Variants in WWOX observed in about 807,000 individuals in gnomAD.
WWOX encodes WW domain-containing oxidoreductase.
WWOX carries 69 observed loss-of-function variants against 46.2 expected under a neutral mutation model. The ratio of observed to expected loss-of-function variants is 1.49; its 90% CI spans 1.23 to 1.82. WWOX has a LOEUF of 1.82. Ranked by LOEUF, WWOX falls within the 40% of genes most tolerant of loss-of-function variation. The probability of loss-of-function intolerance (pLI) is 0.00; values close to 1 mark genes in which losing one functional copy is unlikely to be tolerated. For synonymous variants in WWOX, 359 were observed against 202.6 expected (o/e 1.77, Z -6.56); for missense variants, 919 against 542.6 (o/e 1.69, Z -6.89).
intron 8 of WWOX, among the ~76,000 whole-genome samples, chr16:78,709,887 C>T (rs564881928): frequency 9.2e-5 from 14 of 152,164 alleles, no homozygotes; most frequent in East Asian, 7.8e-4. Flanking sequence ...CGCCACCCGA[C>T]GCCCAGCTAA....
chr16:78,935,390 G>T (rs1333553620), intron 8 of WWOX, among the ~76,000 whole-genome samples: 1 of 152,134 alleles, frequency 6.6e-6, no homozygotes. Flanking sequence ...TTAAGAAAAT[G>T]TGGCACATAT....
intron 8 of WWOX, among the ~76,000 whole-genome samples, chr16:79,084,216 A>C (rs2048813709): frequency 6.6e-6 from 1 of 152,172 alleles, no homozygotes; most frequent in African/African-American, 2.4e-5. Context: ...CATATTTGCA[A>C]ATGCATTTCT....
At chr16:79,057,729 A>G (rs1490516300) in intron 8 of WWOX, among the ~76,000 whole-genome samples, 2 of 152,176 alleles carry the variant, frequency 1.3e-5, no homozygotes, top group Non-Finnish European at 2.9e-5. Flanking sequence ...AGCTCAGAAT[A>G]GGCAAGGTAG....
chr16:79,082,485 G>C (rs2048778930), intron 8 of WWOX, among the ~76,000 whole-genome samples: 1 of 152,174 alleles, frequency 6.6e-6, no homozygotes, highest in Non-Finnish European at 1.5e-5. Context: ...CCACTTTATA[G>C]ACCTATGGAG....
chr16:78,284,674 C>T (rs58271113), intron 5 of WWOX, among the ~76,000 whole-genome samples: 1,784 of 152,306 alleles, frequency 0.012, 43 homozygotes, highest in African/African-American at 0.041. Flanking sequence ...GCCACACACA[C>T]TCTGCAGGCA....
At chr16:78,219,968 A>G (rs761965647) in intron 5 of WWOX, among the ~76,000 whole-genome samples, 4 of 152,234 alleles carry the variant, frequency 2.6e-5, no homozygotes, top group Non-Finnish European at 5.9e-5. Flanking sequence ...TAAAGCTATA[A>G]TACTCTTTTA....
intron 5 of WWOX, among the ~76,000 whole-genome samples, chr16:78,202,812 G>GTTTT (rs34111953): frequency 7.1e-6 from 1 of 140,034 alleles, no homozygotes; most frequent in South Asian, 2.2e-4. Flanking sequence ...TGCCTGGTGG[G>GTTTT]TTTTTTTTTT....
chr16:78,823,152 C>A (rs751508919), intron 8 of WWOX, among the ~76,000 whole-genome samples: 5 of 152,222 alleles, frequency 3.3e-5, no homozygotes, highest in Non-Finnish European at 5.9e-5. Flanking sequence ...ATACTCCGGC[C>A]TTTCAGCCCT....
At chr16:78,907,197 G>C (rs2044987853) in intron 8 of WWOX, among the ~76,000 whole-genome samples, 1 of 152,106 alleles carries the variant, frequency 6.6e-6, no homozygotes, top group Non-Finnish European at 1.5e-5. Context: ...TCATAGGGGT[G>C]TGTAAAACCC....
intron 8 of WWOX, among the ~76,000 whole-genome samples, chr16:79,146,634 C>CA (rs1296862614): frequency 2.0e-5 from 3 of 152,138 alleles, no homozygotes; most frequent in African/African-American, 7.2e-5. Context: ...TGGGAGAATG[C>CA]AGCCAGTACC....
At chr16:78,543,392 A>T (rs2043947193) in intron 8 of WWOX, among the ~76,000 whole-genome samples, 1 of 152,194 alleles carries the variant, frequency 6.6e-6, no homozygotes, top group South Asian at 2.1e-4. Flanking sequence ...TACTACAATG[A>T]TGCCCTTTCA....
intron 8 of WWOX, among the ~76,000 whole-genome samples, chr16:79,131,511 C>T (rs1054453412): frequency 6.6e-6 from 1 of 152,060 alleles, no homozygotes; most frequent in African/African-American, 2.4e-5. Flanking sequence ...GTCCTAGTCC[C>T]AGGAAAGTTG....
chr16:78,661,808 C>T (rs563319134), intron 8 of WWOX, among the ~76,000 whole-genome samples: 6 of 152,244 alleles, frequency 3.9e-5, no homozygotes, highest in East Asian at 1.9e-4. Context: ...AGGCCGAGGC[C>T]GGTGTATCGC....
chr16:78,735,949 C>A (rs965165873), intron 8 of WWOX, among the ~76,000 whole-genome samples: 9 of 152,198 alleles, frequency 5.9e-5, no homozygotes, highest in African/African-American at 4.8e-5. Flanking sequence ...TGGGCCTTCC[C>A]AATTTACCTG....
chr16:78,664,222 G>C (rs2047279540), intron 8 of WWOX, among the ~76,000 whole-genome samples: 1 of 152,172 alleles, frequency 6.6e-6, no homozygotes, highest in Non-Finnish European at 1.5e-5. Flanking sequence ...ACCACACTGA[G>C]CATATTCAAA....
intron 8 of WWOX, among the ~76,000 whole-genome samples, chr16:79,135,405 C>T (rs1024413012): frequency 6.6e-6 from 1 of 152,098 alleles, no homozygotes; most frequent in Non-Finnish European, 1.5e-5. Flanking sequence ...CCTGTTATCC[C>T]ATTGTCTGTC....
intron 8 of WWOX, among the ~76,000 whole-genome samples, chr16:79,117,314 G>C (rs2049536589): frequency 6.6e-6 from 1 of 152,088 alleles, no homozygotes; most frequent in Non-Finnish European, 1.5e-5. Flanking sequence ...GGACCAAGCA[G>C]AATATTTTTA....
At chr16:78,997,517 T>A (rs1432436442) in intron 8 of WWOX, among the ~76,000 whole-genome samples, 3 of 152,208 alleles carry the variant, frequency 2.0e-5, no homozygotes, top group African/African-American at 4.8e-5. Flanking sequence ...TACACTTTCA[T>A]TGCCCTTTGC....
At chr16:78,499,286 G>A (rs1415948644) in intron 8 of WWOX, among the ~76,000 whole-genome samples, 1 of 152,194 alleles carries the variant, frequency 6.6e-6, no homozygotes, top group Non-Finnish European at 1.5e-5. Flanking sequence ...TCTTATGTGT[G>A]TGGCCTTGCT....
Sources: allele counts gnomAD v4.1 joint callset (sites outside exome capture counted in the v4.1 genomes callset), GRCh38; gene constraint gnomAD v4.1.1; transcripts MANE v1.5; gene names NCBI Gene and HGNC (gene_info 2026-07-23, HGNC 2026-07-21).